Variants in CEP83 observed in about 807,000 individuals in gnomAD.
CEP83 encodes centrosomal protein 83.
A neutral mutation model predicts 101.9 loss-of-function variants in CEP83; 70 were observed. The observed-to-expected ratio is 0.69, with a 90% CI of 0.57 to 0.84. The LOEUF (loss-of-function observed/expected upper bound fraction) is 0.84. Among genes scored for constraint, CEP83 ranks in the 40% least tolerant of loss-of-function variants. The pLI, the probability that CEP83 is intolerant of heterozygous loss-of-function variation, is 0.00. For synonymous variants in CEP83, 264 were observed against 267.9 expected, an observed-to-expected ratio of 0.99 and a Z score of 0.14; for missense variants, 715 against 787.2, an observed-to-expected ratio of 0.91 and a Z score of 1.10.
intron 2 of CEP83, chr12:94,424,640 G>A: frequency 6.2e-7 from 1 of 1,613,650 alleles, no homozygotes. Context: ...AGCTTTCTGT[G>A]CTGCTGAAGG....
rs12426243 is a variant in CEP83, at chr12:94,367,925, T to C, written c.1212A>G (p.Arg404=). ...LQDEKLELEN[R]LADLEKMKVE... ...CTTTCATTTTCTCCAAATCTGCTAATCTGTTCTCGAGTTCTAACCTAAAAC... is the reference window on the plus strand; with the variant it reads ...CTTTCATTTTCTCCAAATCTGCTAACCTGTTCTCGAGTTCTAACCTAAAAC... The change falls in exon 11 of 17, where the codon AGA becomes AGG. Residue 404 remains arginine, a synonymous_variant. Coordinates refer to ENST00000397809, the MANE Select transcript of CEP83 (RefSeq NM_016122.3). 0.11 allele frequency: 176,079 copies of C among 1,612,478 alleles called. 10,532 individuals carry two copies. Among genetic ancestry groups the C allele is most frequent in the Admixed American group, 0.18 (11,065 of 59,988 alleles).
At chr12:94,434,785 C>A (rs962931816) in intron 2 of CEP83, among the ~76,000 whole-genome samples, 2 of 152,060 alleles carry the variant, frequency 1.3e-5, no homozygotes, top group Non-Finnish European at 2.9e-5. Context: ...ATACACATAG[C>A]CTGAAGGTAA....
the CEP83 span, chr12:94,279,561 C>T: frequency 6.2e-7 from 1 of 1,614,102 alleles, no homozygotes; most frequent in Non-Finnish European, 8.5e-7. Flanking sequence ...ACTGTGACAC[C>T]ATTGGCCAAG....
the CEP83 span, chr12:94,301,134 T>C: frequency 1.5e-6 from 2 of 1,329,970 alleles, no homozygotes; most frequent in South Asian, 2.6e-5. Context: ...AGCATTCAAA[T>C]AATAAACAAT....
chr12:94,318,812 G>GT (rs1565901651), intron 14 of CEP83, among the ~76,000 whole-genome samples: 1 of 152,156 alleles, frequency 6.6e-6, no homozygotes, highest in Non-Finnish European at 1.5e-5. Context: ...GATTCGGTTT[G>GT]TAAGCATTTT....
At chr12:94,268,461 G>C in the CEP83 span, among the ~76,000 whole-genome samples, 1 of 152,082 alleles carries the variant, frequency 6.6e-6, no homozygotes, top group African/African-American at 2.4e-5. Context: ...GCAACAGTGA[G>C]ACAGAATGCC....
intron 4 of CEP83, among the ~76,000 whole-genome samples, chr12:94,404,810 T>C (rs535690699): frequency 4.6e-5 from 7 of 152,320 alleles, no homozygotes; most frequent in African/African-American, 9.6e-5. Context: ...GAAGCAATCA[T>C]TGTCAATAAC....
At chr12:94,368,002 A>G in intron 10 of CEP83, 55 bp downstream of exon 10, 1 of 1,604,780 alleles carries the variant, frequency 6.2e-7, no homozygotes, top group Non-Finnish European at 8.5e-7. Context: ...TATGACAGCA[A>G]AATGTTTTCA....
intron 11 of CEP83, among the ~76,000 whole-genome samples, chr12:94,357,603 A>G (rs1035709205): frequency 4.6e-5 from 7 of 152,204 alleles, no homozygotes; most frequent in African/African-American, 9.7e-5. Flanking sequence ...CCCCTGCCAC[A>G]GCAAGTAGTT....
chr12:94,319,715 CTG>C (rs1469358466), intron 14 of CEP83, among the ~76,000 whole-genome samples: 1 of 151,894 alleles, frequency 6.6e-6, no homozygotes, highest in Non-Finnish European at 1.5e-5. Context: ...TTTTATTGTG[CTG>C]TGTGTTTGGT....
intron 2 of CEP83, among the ~76,000 whole-genome samples, chr12:94,431,440 A>G (rs1391799010): frequency 6.6e-6 from 1 of 152,170 alleles, no homozygotes; most frequent in Non-Finnish European, 1.5e-5. Context: ...AAAATAGACA[A>G]GTGGGACTAT....
intron 1 of CEP83, among the ~76,000 whole-genome samples, chr12:94,445,188 T>C (rs1229498508): frequency 6.6e-6 from 1 of 152,116 alleles, no homozygotes; most frequent in Non-Finnish European, 1.5e-5. Context: ...AAACAGTCAA[T>C]TGATTTCTGA....
intron 2 of CEP83, among the ~76,000 whole-genome samples, chr12:94,429,656 C>T (rs2065471633): frequency 6.6e-6 from 1 of 152,170 alleles, no homozygotes; most frequent in African/African-American, 2.4e-5. Flanking sequence ...GGAGCCACCA[C>T]TCATTTTCAT....
intron 1 of CEP83, among the ~76,000 whole-genome samples, chr12:94,459,100 G>A (rs1180351398): frequency 6.6e-6 from 1 of 152,210 alleles, no homozygotes; most frequent in Non-Finnish European, 1.5e-5. Context: ...GCTAACTAAA[G>A]GCTTTACAAA....
At chr12:94,369,821 G>T in intron 9 of CEP83, 101 bp downstream of exon 9, 1 of 667,064 alleles carries the variant, frequency 1.5e-6, no homozygotes, top group Non-Finnish European at 2.6e-6. Context: ...AAATTAAGTT[G>T]AAAATTTGGA....
At chr12:94,300,972 A>C in the CEP83 span, 3 of 1,613,820 alleles carry the variant, frequency 1.9e-6, no homozygotes, top group Admixed American at 5.0e-5. Context: ...GACATTAAGA[A>C]GACACCACAT....
intron 6 of CEP83, among the ~76,000 whole-genome samples, chr12:94,400,326 G>A (rs2063176499): frequency 6.6e-6 from 1 of 152,162 alleles, no homozygotes; most frequent in African/African-American, 2.4e-5. Context: ...AGATGAAGTG[G>A]GAATGTATGC....
At chr12:94,350,131 T>C (rs1565961939) in intron 11 of CEP83, among the ~76,000 whole-genome samples, 1 of 152,072 alleles carries the variant, frequency 6.6e-6, no homozygotes. Flanking sequence ...TGCACAGAAA[T>C]AGAAAAATCT....
At chr12:94,434,268 T>C (rs745932760) in intron 2 of CEP83, among the ~76,000 whole-genome samples, 4 of 152,212 alleles carry the variant, frequency 2.6e-5, no homozygotes, top group Non-Finnish European at 4.4e-5. Context: ...CACAATCTAT[T>C]AGGATACAAC....
Sources: allele counts gnomAD v4.1 joint callset (sites outside exome capture counted in the v4.1 genomes callset), GRCh38; gene constraint gnomAD v4.1.1; transcripts MANE v1.5; gene names NCBI Gene and HGNC (gene_info 2026-07-23, HGNC 2026-07-21).